Variants in GLIS3 observed in about 807,000 individuals in gnomAD.
The protein encoded by GLIS3 is GLIS family zinc finger 3.
Under a neutral mutation model 78.6 loss-of-function variants are expected in GLIS3, and 53 were observed. The ratio of observed to expected loss-of-function variants is 0.67; its 90% CI spans 0.54 to 0.85. The LOEUF (loss-of-function observed/expected upper bound fraction) is 0.85, where lower values mean the gene tolerates loss of function less well. Among genes scored for constraint, GLIS3 ranks in the 40% least tolerant of loss-of-function variants. The pLI is 0.00. For synonymous variants in GLIS3, 684 were observed against 509.9 expected, an observed-to-expected ratio of 1.34 and a Z score of -4.60; for missense variants, 1,703 against 1,231.1, an observed-to-expected ratio of 1.38 and a Z score of -5.74.
intron 2 of GLIS3, among the ~76,000 whole-genome samples, chr9:4,146,994 C>A (rs183736164): frequency 1.6e-4 from 25 of 152,220 alleles, no homozygotes; most frequent in Non-Finnish European, 2.8e-4. Context: ...GATCTTATAC[C>A]AAATTAAAGG....
chr9:3,980,190 A>AT (rs1819137649), intron 4 of GLIS3, among the ~76,000 whole-genome samples: 1 of 152,182 alleles, frequency 6.6e-6, no homozygotes, highest in Non-Finnish European at 1.5e-5. Flanking sequence ...AAAAGAAAAA[A>AT]ATTTTTTTCC....
At chr9:4,431,264 G>C in the GLIS3 span, among the ~76,000 whole-genome samples, 1 of 152,196 alleles carries the variant, frequency 6.6e-6, no homozygotes, top group Non-Finnish European at 1.5e-5. Context: ...ACATATTCGT[G>C]AATCATGGAA....
At chr9:4,481,221 T>C in the GLIS3 span, among the ~76,000 whole-genome samples, 2 of 151,810 alleles carry the variant, frequency 1.3e-5, no homozygotes, top group Non-Finnish European at 2.9e-5. Context: ...TGGTGGCTCA[T>C]GCCTGTAATC....
At chr9:3,840,552 C>T (rs187309782) in intron 9 of GLIS3, among the ~76,000 whole-genome samples, 6 of 152,116 alleles carry the variant, frequency 3.9e-5, no homozygotes, top group Non-Finnish European at 8.8e-5. Context: ...GAGCTATTTA[C>T]GACTGACATT....
the GLIS3 span, among the ~76,000 whole-genome samples, chr9:4,373,053 G>A: frequency 6.6e-6 from 1 of 152,174 alleles, no homozygotes; most frequent in African/African-American, 2.4e-5. Context: ...AATATTAAAT[G>A]GCCTATCTCA....
At chr9:4,467,983 G>C in the GLIS3 span, among the ~76,000 whole-genome samples, 2 of 152,194 alleles carry the variant, frequency 1.3e-5, no homozygotes, top group African/African-American at 4.8e-5. Context: ...TGAGAACTAC[G>C]TGACACAGGC....
intron 6 of GLIS3, among the ~76,000 whole-genome samples, chr9:3,903,527 C>G (rs1199227313): frequency 6.6e-6 from 1 of 152,202 alleles, no homozygotes; most frequent in African/African-American, 2.4e-5. Flanking sequence ...CTCAGCTGCC[C>G]TAACCACACT....
At chr9:4,430,726 A>C in the GLIS3 span, among the ~76,000 whole-genome samples, 1 of 152,164 alleles carries the variant, frequency 6.6e-6, no homozygotes, top group Non-Finnish European at 1.5e-5. Context: ...AATTACTGAC[A>C]ATGCTATTCT....
At chr9:3,840,082 T>C (rs1818620360) in intron 9 of GLIS3, among the ~76,000 whole-genome samples, 1 of 152,208 alleles carries the variant, frequency 6.6e-6, no homozygotes. Flanking sequence ...GTCATTTTCT[T>C]TGAAATTTTA....
chr9:4,375,399 A>T, the GLIS3 span, among the ~76,000 whole-genome samples: 2 of 152,238 alleles, frequency 1.3e-5, no homozygotes, highest in African/African-American at 4.8e-5. Flanking sequence ...AGTTTCCTTT[A>T]TACCTTTAAT....
At chr9:3,890,480 A>C (rs10814765) in intron 7 of GLIS3, among the ~76,000 whole-genome samples, 3 of 152,152 alleles carry the variant, frequency 2.0e-5, no homozygotes, top group Non-Finnish European at 4.4e-5. Flanking sequence ...CACAATTAAT[A>C]ATCCAACATT....
rs1221711769 is a variant in GLIS3, at chr9:3,856,120, T to C, written c.2362A>G (p.Ile788Val). Residue 788 changes from isoleucine (I) to valine (V), a missense_variant, in exon 9 of 11, where the codon ATA becomes GTA. Ile to Val is a conservative substitution (Grantham distance 29, BLOSUM62 3). Transcript: ENST00000381971. ...SPRRVPAPSS[I>V]LQRTQPPYTQ... The stretch of plus-strand genomic sequence containing the variant: ...TAGGGAGGCTGTGTTCTTTGCAGTA[T>C]TGAAGAAGGAGCTGGAACTCTCCGG... The C allele has an allele frequency of 1.2e-6, 2 of 1,614,028 alleles. No individual in the cohort carries two copies. The highest frequency in any genetic ancestry group is 1.7e-6 in the Non-Finnish European group (2 of 1,180,020).
At chr9:4,125,194 T>C (rs1832480148) in intron 3 of GLIS3, among the ~76,000 whole-genome samples, 1 of 152,230 alleles carries the variant, frequency 6.6e-6, no homozygotes, top group African/African-American at 2.4e-5. Context: ...TTAAAATTTA[T>C]GCTTTCTATC....
chr9:4,024,760 C>A (rs1000779958), intron 4 of GLIS3, among the ~76,000 whole-genome samples: 7 of 152,162 alleles, frequency 4.6e-5, no homozygotes, highest in African/African-American at 1.7e-4. Context: ...TATAACAGCT[C>A]AATTGTCACA....
chr9:4,254,412 G>A (rs1214474776), intron 2 of GLIS3, among the ~76,000 whole-genome samples: 1 of 152,158 alleles, frequency 6.6e-6, no homozygotes, highest in Non-Finnish European at 1.5e-5. Context: ...CTATACTACT[G>A]GTGGAGAAGA....
At position 4,249,446 on chromosome 9, in the gene GLIS3, T is replaced by G. The variant is rs190550323; in HGVS notation, c.388+36592A>C. ...TCTATTATTGGTGTATAGGAATGCTTGTGATTTCTGCACATTGATTTTGTA... is the reference window on the plus strand; with the variant it reads ...TCTATTATTGGTGTATAGGAATGCTGGTGATTTCTGCACATTGATTTTGTA... On this transcript the variant is annotated intron_variant, in intron 2 of 10. Transcript: ENST00000381971. Among the ~76,000 whole-genome samples the G allele has an allele frequency of 2.8e-3, 426 of 152,312 alleles. 1 individual carries two copies. The highest frequency in any genetic ancestry group is 9.8e-3 in the African/African-American group (409 of 41,570).
At chr9:3,877,655 G>C (rs866751623) in intron 8 of GLIS3, among the ~76,000 whole-genome samples, 3 of 152,144 alleles carry the variant, frequency 2.0e-5, no homozygotes, top group East Asian at 3.9e-4. Context: ...ACTTATAAAT[G>C]AATTTTGGTC....
chr9:3,863,064 G>A (rs1386428759), intron 8 of GLIS3, among the ~76,000 whole-genome samples: 1 of 152,074 alleles, frequency 6.6e-6, no homozygotes, highest in Non-Finnish European at 1.5e-5. Flanking sequence ...AAAAAGAAAA[G>A]CCCAGTTTTA....
chr9:4,080,755 G>T (rs7028492), intron 4 of GLIS3, among the ~76,000 whole-genome samples: 18,170 of 152,134 alleles, frequency 0.12, 1,165 homozygotes, highest in Non-Finnish European at 0.14. Context: ...GAGAAGTCTA[G>T]GGGCATTAAA....
Sources: allele counts gnomAD v4.1 joint callset (sites outside exome capture counted in the v4.1 genomes callset), GRCh38; gene constraint gnomAD v4.1.1; transcripts MANE v1.5; gene names NCBI Gene and HGNC (gene_info 2026-07-23, HGNC 2026-07-21).